The following PLBD1 variants were observed in gnomAD, a reference collection of about 807,000 sequenced individuals.
PLBD1 encodes the protein lysosomal leucine aminopeptidase.
In PLBD1, 60 loss-of-function variants were observed where a neutral mutation model predicts 63.0. That is an observed-to-expected ratio of 0.95 (90% confidence interval 0.77 to 1.18). The LOEUF (loss-of-function observed/expected upper bound fraction) is 1.18, where lower values mean the gene tolerates loss of function less well. Ranked by LOEUF, PLBD1 falls within the 50% of genes most tolerant of loss-of-function variation. PLBD1 has a pLI of 0.00. For synonymous variants in PLBD1, 262 were observed against 248.0 expected, an observed-to-expected ratio of 1.06 and a Z score of -0.53; for missense variants, 598 against 677.9, an observed-to-expected ratio of 0.88 and a Z score of 1.31.
At chr12:14,565,540 G>A (rs2136937525) in intron 1 of PLBD1, among the ~76,000 whole-genome samples, 1 of 152,062 alleles carries the variant, frequency 6.6e-6, no homozygotes, top group East Asian at 1.9e-4. Context: ...CATATGAGTG[G>A]ATATAAAATC....
intron 1 of PLBD1, among the ~76,000 whole-genome samples, chr12:14,559,598 T>A (rs1395368441): frequency 6.6e-6 from 1 of 152,192 alleles, no homozygotes; most frequent in Non-Finnish European, 1.5e-5. Context: ...GCAAGAGCTA[T>A]TTGTTGGTAT....
rs538388010 is a variant in PLBD1 at position 14,542,828 on chromosome 12, A to C, written c.336-537T>G. Reference sequence around the variant, plus strand: ...TTTGGGAGGCTGAGGCAGGCGGATCACAAGGTCAGGAGATCGAGACCATCC... The same window carrying C: ...TTTGGGAGGCTGAGGCAGGCGGATCCCAAGGTCAGGAGATCGAGACCATCC... On this transcript the variant is annotated intron_variant, in intron 2 of 10. Transcript: ENST00000240617. Among the ~76,000 whole-genome samples, 326 of 152,076 alleles carry C rather than the reference A, an allele frequency of 2.1e-3. 3 individuals carry two copies. Among genetic ancestry groups the C allele is most frequent in the African/African-American group, 7.5e-3 (310 of 41,474 alleles).
chr12:14,558,202 A>G (rs1945721478), intron 1 of PLBD1, among the ~76,000 whole-genome samples: 1 of 152,202 alleles, frequency 6.6e-6, no homozygotes, highest in Admixed American at 6.5e-5. Flanking sequence ...TTAAGGAATG[A>G]TCTGAGTAGG....
At chr12:14,509,812 T>C (rs1945282724) in intron 8 of PLBD1, among the ~76,000 whole-genome samples, 1 of 152,206 alleles carries the variant, frequency 6.6e-6, no homozygotes, top group African/African-American at 2.4e-5. Flanking sequence ...GAACTCCCAA[T>C]TTCTAAAACA....
chr12:14,522,392 C>T (rs1015901559), intron 6 of PLBD1, among the ~76,000 whole-genome samples: 2 of 151,874 alleles, frequency 1.3e-5, no homozygotes, highest in Non-Finnish European at 2.9e-5. Context: ...AAAGAAAAGC[C>T]GAAGACCCAA....
In PLBD1 at chr12:14,520,576, C is replaced by T. The variant is rs533146438; in HGVS notation, c.845-8865G>A. Among the ~76,000 whole-genome samples, 63 of 147,126 alleles carry T rather than the reference C, an allele frequency of 4.3e-4. 1 individual carries two copies. The highest frequency in any genetic ancestry group is 1.6e-3 in the African/African-American group (59 of 36,630). ...AACCAAAATGATGAATAAACAACTA[C>T]ATTTTGACTAGAGTATCCAAAGGAG... On this transcript the variant is annotated intron_variant, in intron 6 of 10. Coordinates refer to ENST00000240617, the MANE Select transcript of PLBD1 (RefSeq NM_024829.6).
chr12:14,539,458 A>T (rs537186350), intron 4 of PLBD1, among the ~76,000 whole-genome samples: 12 of 151,820 alleles, frequency 7.9e-5, no homozygotes, highest in Admixed American at 4.6e-4. Flanking sequence ...TATATTTTTT[A>T]AAATCTACCT....
chr12:14,534,071 C>T (rs2136919111), intron 6 of PLBD1, among the ~76,000 whole-genome samples: 1 of 152,230 alleles, frequency 6.6e-6, no homozygotes, highest in Non-Finnish European at 1.5e-5. Flanking sequence ...TCATTTGAGC[C>T]CTGAAGGTCA....
At chr12:14,553,075 G>T in intron 2 of PLBD1, 118 bp downstream of exon 2, 1 of 915,848 alleles carries the variant, frequency 1.1e-6, no homozygotes, top group Non-Finnish European at 1.7e-6. Flanking sequence ...TATCACACAT[G>T]TGAACTCCAG....
intron 6 of PLBD1, among the ~76,000 whole-genome samples, chr12:14,513,848 T>C (rs1445108694): frequency 1.3e-5 from 2 of 151,856 alleles, no homozygotes; most frequent in Non-Finnish European, 2.9e-5. Context: ...GGCGTGATCT[T>C]GGCACACTGC....
chr12:14,564,470 A>G (rs1207462225), intron 1 of PLBD1, among the ~76,000 whole-genome samples: 1 of 152,246 alleles, frequency 6.6e-6, no homozygotes, highest in East Asian at 1.9e-4. Flanking sequence ...GGCTGACTCA[A>G]GTGTATGATG....
At chr12:14,513,583 G>GACCTGCATTTT (rs1169909702) in intron 6 of PLBD1, among the ~76,000 whole-genome samples, 2 of 152,120 alleles carry the variant, frequency 1.3e-5, no homozygotes, top group African/African-American at 4.8e-5. Context: ...GGAGTCAGAA[G>GACCTGCATTTT]ACCTGCATTT....
Position 14,565,199 on chromosome 12 carries a change from C to T in PLBD1, c.115+2383G>A, listed in dbSNP as rs76216211. ...AACTAAAAGTGTCCGGGCATGGTAG[C>T]TCACACCTGTAATCCCTGCACTTTG... On this transcript the variant is annotated intron_variant, in intron 1 of 10. Transcript: ENST00000240617. Among the ~76,000 whole-genome samples the T allele has an allele frequency of 6.7e-3, 1,026 of 152,248 alleles. 13 individuals are homozygous for T. The highest frequency in any genetic ancestry group is 6.8e-3 in the Middle Eastern group (2 of 294).
rs149467053 is a variant in PLBD1 at position 14,548,291 on chromosome 12, T to C, written c.335+4902A>G. On this transcript the variant is annotated intron_variant, in intron 2 of 10. Coordinates refer to ENST00000240617, the MANE Select transcript of PLBD1 (RefSeq NM_024829.6). ...GGCCAGCATGGTGAAACCCTGTCTC[T>C]ACTAAAAATACAAAAATTAGCTGGG... Among the ~76,000 whole-genome samples, 1,278 of 151,778 alleles carry C rather than the reference T, an allele frequency of 8.4e-3. 16 individuals carry two copies. Among genetic ancestry groups the C allele is most frequent in the African/African-American group, 0.029 (1,195 of 41,402 alleles).
intron 2 of PLBD1, among the ~76,000 whole-genome samples, chr12:14,550,395 TTTTGTTTG>T (rs755476916): frequency 4.6e-5 from 7 of 152,236 alleles, no homozygotes; most frequent in African/African-American, 9.6e-5. Flanking sequence ...CAAGAAGTCT[TTTTGTTTG>T]TTTGTTTGTT....
chr12:14,519,252 G>A (rs568468894), intron 6 of PLBD1, among the ~76,000 whole-genome samples: 142 of 152,218 alleles, frequency 9.3e-4, no homozygotes, highest in African/African-American at 3.1e-3. Context: ...TGGATACAGA[G>A]CATTAAAAAG....
intron 1 of PLBD1, among the ~76,000 whole-genome samples, chr12:14,566,794 T>TA (rs34908327): frequency 2.2e-4 from 31 of 138,602 alleles, no homozygotes; most frequent in Admixed American, 2.2e-4. Context: ...GATTATATAT[T>TA]AAAAAAAAAA....
At chr12:14,519,419 G>C (rs998693716) in intron 6 of PLBD1, among the ~76,000 whole-genome samples, 1 of 152,002 alleles carries the variant, frequency 6.6e-6, no homozygotes, top group African/African-American at 2.4e-5. Flanking sequence ...AGGAGATCGA[G>C]ACCACCTGGC....
At chr12:14,551,365 C>T (rs1345213720) in intron 2 of PLBD1, among the ~76,000 whole-genome samples, 1 of 152,134 alleles carries the variant, frequency 6.6e-6, no homozygotes, top group African/African-American at 2.4e-5. Flanking sequence ...TAACTCAAAA[C>T]AAACAAACAA....
Sources: gnomAD v4.1 joint callset for allele counts (sites outside exome capture counted in the v4.1 genomes callset) on GRCh38, gnomAD v4.1.1 for gene constraint, MANE v1.5 for transcripts, NCBI Gene and HGNC (gene_info 2026-07-23, HGNC 2026-07-21) for gene names.